SRD5A3: variants seen among roughly 807,000 people sequenced by gnomAD.
SRD5A3 encodes the protein polyprenal reductase.
In SRD5A3, 24 loss-of-function variants were observed where a neutral mutation model predicts 34.3. The ratio of observed to expected loss-of-function variants is 0.70; its 90% CI spans 0.51 to 0.99. The LOEUF (loss-of-function observed/expected upper bound fraction) is 0.99, where lower values mean the gene tolerates loss of function less well. SRD5A3 is among the 50% of genes least tolerant of loss of function. The pLI is 0.00. For missense variants in SRD5A3, 350 were observed against 388.2 expected (o/e 0.90, Z 0.83); for synonymous variants, 161 against 167.3 (o/e 0.96, Z 0.29).
intron 4 of SRD5A3, among the ~76,000 whole-genome samples, chr4:55,368,510 C>T (rs1719993839): frequency 6.7e-6 from 1 of 149,880 alleles, no homozygotes; most frequent in African/African-American, 2.5e-5. Flanking sequence ...CTGCAACCTC[C>T]GCCTCCAGGG....
At chr4:55,364,773 C>T (rs1226731485) in intron 3 of SRD5A3, 2 of 182,334 alleles carry the variant, frequency 1.1e-5, no homozygotes, top group Non-Finnish European at 2.3e-5. Flanking sequence ...TTGGGATTTG[C>T]AGAGGGGGTG....
chr4:55,359,426 G>C lies in SRD5A3; in HGVS notation c.302G>C (p.Gly101Ala), dbSNP rs1719593647. The change falls in exon 2 of 5, where the codon GGA becomes GCA. Residue 101 changes from glycine (G) to alanine (A), a missense_variant. By Grantham distance (60) the Gly-to-Ala change is moderately conservative. This residue lies in a region of SRD5A3 where 159 missense variants were observed against 149.1 expected (regional missense o/e 1.07). Coordinates refer to ENST00000264228, the MANE Select transcript of SRD5A3 (RefSeq NM_024592.5). ...TGCCTTACTCAATCTCTGTTCCTGGGAGCACCTTTTCCAAGCTGGCTTCAT... is the reference window on the plus strand; with the variant it reads ...TGCCTTACTCAATCTCTGTTCCTGGCAGCACCTTTTCCAAGCTGGCTTCAT... ...LWCLTQSLFL[G>A]APFPSWLHGL... is the part of the protein sequence containing the mutation. 2 of 1,613,672 alleles carry C rather than the reference G, an allele frequency of 1.2e-6. No homozygotes were observed. Among genetic ancestry groups the C allele is most frequent in the African/African-American group, 1.3e-5 (1 of 74,838 alleles).
intron 1 of SRD5A3, among the ~76,000 whole-genome samples, chr4:55,354,322 T>A (rs1288663588): frequency 2.6e-5 from 4 of 152,164 alleles, no homozygotes; most frequent in Non-Finnish European, 4.4e-5. Context: ...GGTCTTGAAC[T>A]CCTGACCTCA....
intron 1 of SRD5A3, chr4:55,359,141 T>C (rs1406031688): frequency 1.6e-6 from 1 of 612,828 alleles, no homozygotes; most frequent in Non-Finnish European, 2.8e-6. Flanking sequence ...GAGGCCTCTT[T>C]TTCCTGAAAG....
chr4:55,354,693 C>T lies in SRD5A3; in HGVS notation c.222-4653C>T, dbSNP rs1462401170. 2.6e-5 allele frequency among the ~76,000 whole-genome samples: 4 copies of T among 152,226 alleles called. No homozygotes were observed. The East Asian group carries it at 7.7e-4, about 29-fold the overall frequency. On this transcript the variant is annotated intron_variant, in intron 1 of 4. Coordinates refer to ENST00000264228, the MANE Select transcript of SRD5A3 (RefSeq NM_024592.5). ...AAATATTACCTTCTCAGTGAGGCCC[C>T]TCCCTGTCTATTGTGTTTGATATTA...
rs367942216 is a variant in SRD5A3, at chr4:55,360,688, G to GTT, written c.364+1214_364+1215dup. Among the ~76,000 whole-genome samples, 212 of 133,578 alleles carry GTT rather than the reference G, an allele frequency of 1.6e-3. 2 individuals carry two copies. Among genetic ancestry groups the GTT allele is most frequent in the Admixed American group, 5.4e-3 (73 of 13,448 alleles). 87.6% of individuals were successfully genotyped at this position (133,578 alleles called of 152,430 possible). On this transcript the variant is annotated intron_variant, in intron 2 of 4. Coordinates refer to ENST00000264228, the MANE Select transcript of SRD5A3 (RefSeq NM_024592.5). The stretch of plus-strand genomic sequence containing the variant: ...AGCATCAGGATGAAGAATATGGAAC[G>GTT]TTTTTTTTTTTTTTTCTGAGATGGA...
At chr4:55,351,316 C>T (rs1272762718) in intron 1 of SRD5A3, among the ~76,000 whole-genome samples, 2 of 152,088 alleles carry the variant, frequency 1.3e-5, no homozygotes, top group African/African-American at 2.4e-5. Flanking sequence ...AGATGATCCA[C>T]CCACCTCGGC....
chr4:55,360,029 G>C (rs771979290), intron 2 of SRD5A3, among the ~76,000 whole-genome samples: 1 of 151,874 alleles, frequency 6.6e-6, no homozygotes, highest in Non-Finnish European at 1.5e-5. Context: ...TGGCTAACAC[G>C]GTGAAACCCT....
At position 55,371,059 on chromosome 4, in the gene SRD5A3, C is replaced by A. The variant is rs78470512; in HGVS notation, c.*968C>A. 1.3e-5 allele frequency: 2 copies of A among 152,066 alleles called. No individual in the cohort carries two copies. Among genetic ancestry groups the A allele is most frequent in the African/African-American group, 4.8e-5 (2 of 41,364 alleles). 9.4% of individuals were successfully genotyped at this position (152,066 alleles called of 1,614,324 possible). A position where few individuals can be genotyped will look rare whatever the true frequency, so the allele number is the denominator to read the frequency against. On this transcript the variant is annotated 3_prime_UTR_variant, in exon 5 of 5. Coordinates refer to ENST00000264228, the MANE Select transcript of SRD5A3 (RefSeq NM_024592.5). ...ATAGCCTAACAGAACACTTTGAAAGCTCTTTTATTTAATATTTTTTTACAT... is the reference window on the plus strand; with the variant it reads ...ATAGCCTAACAGAACACTTTGAAAGATCTTTTATTTAATATTTTTTTACAT...
chr4:55,351,029 G>A (rs1319446618), intron 1 of SRD5A3, among the ~76,000 whole-genome samples: 4 of 151,668 alleles, frequency 2.6e-5, no homozygotes, highest in African/African-American at 9.7e-5. Context: ...GCTTCCCAAA[G>A]TGTTGGGATT....
At chr4:55,352,294 CCTT>C (rs879075320) in intron 1 of SRD5A3, 10 of 804,286 alleles carry the variant, frequency 1.2e-5, no homozygotes, top group South Asian at 1.2e-4. Flanking sequence ...ACGCTGGGAT[CCTT>C]CTTTTCTTTC....
At position 55,346,318 on chromosome 4, in the gene SRD5A3, G is replaced by C; in HGVS notation, c.-19G>C. On this transcript the variant is annotated 5_prime_UTR_variant, in exon 1 of 5. Coordinates refer to ENST00000264228, the MANE Select transcript of SRD5A3 (RefSeq NM_024592.5). ...GGGCGGTGGGGGCGCCAGCAGCGCGGAAGGCGGGCACGCGGGCCATGGCTC... is the reference window on the plus strand; with the variant it reads ...GGGCGGTGGGGGCGCCAGCAGCGCGCAAGGCGGGCACGCGGGCCATGGCTC... 1 of 1,408,480 alleles carries C rather than the reference G, an allele frequency of 7.1e-7. No homozygotes were observed. Among genetic ancestry groups the C allele is most frequent in the Non-Finnish European group, 9.2e-7 (1 of 1,085,614 alleles). 87.2% of individuals were successfully genotyped at this position (1,408,480 alleles called of 1,614,324 possible). A position where few individuals can be genotyped will look rare whatever the true frequency, so the allele number is the denominator to read the frequency against.
chr4:55,361,556 C>T (rs1310950785), intron 2 of SRD5A3, among the ~76,000 whole-genome samples: 1 of 151,414 alleles, frequency 6.6e-6, no homozygotes, highest in East Asian at 1.9e-4. Context: ...AACCCCAGCA[C>T]TTTGGGAGGC....
In SRD5A3 at chr4:55,367,570, C is replaced by T; in HGVS notation, c.563-18C>T. ...TGTGAAATTGTTTAGTGTTGGCTAA[C>T]AATTCTCATTCCTATAGCCTACATA... On this transcript the variant is annotated intron_variant, in intron 3 of 4. Transcript: ENST00000264228. 6.2e-7 allele frequency: 1 copy of T among 1,613,566 alleles called. No homozygotes were observed. Among genetic ancestry groups the T allele is most frequent in the Non-Finnish European group, 8.5e-7 (1 of 1,179,942 alleles).
rs1720122494 is a variant in SRD5A3 at position 55,371,423 on chromosome 4, A to G, written c.*1332A>G. ...AGCCTGAGCAACACATTAAAACTGCACACTTGTGCAGCGTAAGATTCTCTG... is the reference window on the plus strand; with the variant it reads ...AGCCTGAGCAACACATTAAAACTGCGCACTTGTGCAGCGTAAGATTCTCTG... On this transcript the variant is annotated 3_prime_UTR_variant, in exon 5 of 5. Transcript: ENST00000264228. 1 of 152,220 alleles carries G rather than the reference A, an allele frequency of 6.6e-6. No homozygotes were observed. The highest frequency in any genetic ancestry group is 1.5e-5 in the Non-Finnish European group (1 of 68,050). 9.4% of individuals were successfully genotyped at this position (152,220 alleles called of 1,614,324 possible). A position where few individuals can be genotyped will look rare whatever the true frequency, so the allele number is the denominator to read the frequency against.
chr4:55,364,260 A>T lies in SRD5A3; in HGVS notation c.551A>T (p.Asp184Val). The T allele has an allele frequency of 6.2e-7, 1 of 1,614,008 alleles. No individual in the cohort carries two copies. The highest frequency in any genetic ancestry group is 8.5e-7 in the Non-Finnish European group (1 of 1,180,018). The change falls in exon 3 of 5, where the codon GAT (aspartate) becomes GTT (valine). Residue 184 changes from aspartate to valine, a missense_variant. This residue lies in a region of SRD5A3 where 186 missense variants were observed against 221.4 expected (regional missense o/e 0.84). Transcript: ENST00000264228. Reference sequence around the variant, plus strand: ...ACTGTGCTGAGCCAAGTGCCAATGGATGGCAGGAATGGTGAGTGGATCCAG... The same window carrying T: ...ACTGTGCTGAGCCAAGTGCCAATGGTTGGCAGGAATGGTGAGTGGATCCAG... Reference protein sequence around the residue: ...GLTVLSQVPMDGRNAYITGKN... With the variant: ...GLTVLSQVPMVGRNAYITGKN...
rs1048087118 is a variant in SRD5A3, at chr4:55,371,991, C to G, written c.*1900C>G. The G allele has an allele frequency of 9.2e-5, 14 of 152,208 alleles. No homozygotes were observed. Among genetic ancestry groups the G allele is most frequent in the African/African-American group, 3.1e-4 (13 of 41,458 alleles). 9.4% of individuals were successfully genotyped at this position (152,208 alleles called of 1,614,324 possible). On this transcript the variant is annotated 3_prime_UTR_variant, in exon 5 of 5. Coordinates refer to ENST00000264228, the MANE Select transcript of SRD5A3 (RefSeq NM_024592.5). ...ACATTGGAAAGTTCTTACAACAATT[C>G]TGATGGAGGATTTTCTCTCCCATCA...
chr4:55,346,570 C>T lies in SRD5A3; in HGVS notation c.221+13C>T, dbSNP rs545766107. The T allele has an allele frequency of 8.9e-6, 14 of 1,565,236 alleles. No individual in the cohort carries two copies. The highest frequency in any genetic ancestry group is 3.4e-4 in the Middle Eastern group (2 of 5,912). The stretch of plus-strand genomic sequence containing the variant: ...ATGTCCCCAAGAGGTAACCGCGCCC[C>T]GGTCCCGAGCCGCGGTGGTCAAGGC... On this transcript the variant is annotated intron_variant, in intron 1 of 4. Transcript: ENST00000264228.
chr4:55,365,948 A>T (rs1381326023), intron 3 of SRD5A3, among the ~76,000 whole-genome samples: 1 of 152,212 alleles, frequency 6.6e-6, no homozygotes, highest in African/African-American at 2.4e-5. Context: ...TTATTGACAC[A>T]TACTGATTTC....
Sources: allele counts gnomAD v4.1 joint callset (sites outside exome capture counted in the v4.1 genomes callset), GRCh38; gene constraint gnomAD v4.1.1; regional missense constraint gnomAD v4.1.1; transcripts MANE v1.5; gene names NCBI Gene and HGNC (gene_info 2026-07-23, HGNC 2026-07-21).